The following SNTG1 variants were observed in gnomAD, a reference collection of about 807,000 sequenced individuals.
SNTG1 encodes gamma-1-syntrophin.
Under a neutral mutation model 74.7 loss-of-function variants are expected in SNTG1, and 39 were observed. The observed-to-expected ratio is 0.52, with a 90% confidence interval of 0.40 to 0.68. The LOEUF (loss-of-function observed/expected upper bound fraction) is 0.68, where lower values mean the gene tolerates loss of function less well. Ranked by LOEUF, SNTG1 falls within the 30% of genes least tolerant of loss-of-function variation. The probability of loss-of-function intolerance (pLI) is 0.00; values close to 1 mark genes in which losing one functional copy is unlikely to be tolerated. For missense variants in SNTG1, 685 were observed against 609.5 expected (o/e 1.12, Z -1.30); for synonymous variants, 254 against 217.1 (o/e 1.17, Z -1.49).
intron 2 of SNTG1, among the ~76,000 whole-genome samples, chr8:50,391,027 T>G (rs1349089478): frequency 6.6e-6 from 1 of 152,180 alleles, no homozygotes; most frequent in Admixed American, 6.5e-5. Flanking sequence ...CAGGGACAAT[T>G]TGACTTCCTC....
chr8:50,673,846 G>C (rs528603232), intron 15 of SNTG1, among the ~76,000 whole-genome samples: 2 of 151,970 alleles, frequency 1.3e-5, no homozygotes, highest in Non-Finnish European at 2.9e-5. Flanking sequence ...TTTGAGATAT[G>C]TTCCATCAAT....
intron 1 of SNTG1, among the ~76,000 whole-genome samples, chr8:50,047,261 C>A (rs1417121474): frequency 6.6e-6 from 1 of 151,850 alleles, no homozygotes; most frequent in Non-Finnish European, 1.5e-5. Flanking sequence ...AATGCTTGAG[C>A]CCAGGCAGTC....
intron 8 of SNTG1, among the ~76,000 whole-genome samples, chr8:50,481,899 G>A (rs951919053): frequency 2.0e-5 from 3 of 152,148 alleles, no homozygotes; most frequent in African/African-American, 7.2e-5. Context: ...GATTTCTGCA[G>A]AGTCATGGAA....
chr8:50,175,514 G>T (rs2082965608), intron 2 of SNTG1, among the ~76,000 whole-genome samples: 1 of 152,218 alleles, frequency 6.6e-6, no homozygotes, highest in Admixed American at 6.5e-5. Context: ...TTCTGGGCTA[G>T]CCATCAGTGG....
At chr8:50,274,502 AG>A (rs1314961440) in intron 2 of SNTG1, among the ~76,000 whole-genome samples, 1 of 152,132 alleles carries the variant, frequency 6.6e-6, no homozygotes, top group Non-Finnish European at 1.5e-5. Flanking sequence ...ATAAAAAAAA[AG>A]TTTTTACATT....
At chr8:50,516,752 A>G (rs1247533585) in intron 9 of SNTG1, among the ~76,000 whole-genome samples, 1 of 152,186 alleles carries the variant, frequency 6.6e-6, no homozygotes, top group African/African-American at 2.4e-5. Context: ...AGAAAAAAGA[A>G]TGAAAAGGAA....
intron 1 of SNTG1, among the ~76,000 whole-genome samples, chr8:49,979,638 T>C (rs1812500396): frequency 6.6e-6 from 1 of 152,166 alleles, no homozygotes; most frequent in South Asian, 2.1e-4. Flanking sequence ...CGTCGCGCTC[T>C]AGGGCCATTG....
At chr8:50,118,042 A>G (rs1178958586) in intron 1 of SNTG1, among the ~76,000 whole-genome samples, 1 of 152,188 alleles carries the variant, frequency 6.6e-6, no homozygotes, top group Non-Finnish European at 1.5e-5. Context: ...TTTTACAGAA[A>G]GCACCTACTT....
chr8:50,686,768 AGAAATAGACTAT>A (rs903780245), intron 15 of SNTG1, among the ~76,000 whole-genome samples: 6 of 152,222 alleles, frequency 3.9e-5, no homozygotes, highest in African/African-American at 1.4e-4. Context: ...TATAAGTAAT[AGAAATAGACTAT>A]GAAATAGACT....
chr8:50,660,740 A>C (rs929850911), intron 15 of SNTG1, among the ~76,000 whole-genome samples: 1 of 152,174 alleles, frequency 6.6e-6, no homozygotes, highest in Non-Finnish European at 1.5e-5. Flanking sequence ...AACATAATGC[A>C]GTTTACTATA....
intron 1 of SNTG1, among the ~76,000 whole-genome samples, chr8:50,078,950 A>G (rs1222200048): frequency 2.0e-5 from 3 of 152,182 alleles, no homozygotes; most frequent in East Asian, 3.9e-4. Flanking sequence ...TCTTTATCCC[A>G]TCTATCATTG....
At chr8:50,189,229 T>G (rs887747291) in intron 2 of SNTG1, among the ~76,000 whole-genome samples, 7 of 152,196 alleles carry the variant, frequency 4.6e-5, no homozygotes, top group Non-Finnish European at 8.8e-5. Flanking sequence ...AGGATGAAAT[T>G]AATGGGATAG....
In SNTG1 at chr8:50,653,599, A is replaced by G. The variant is rs766300278; in HGVS notation, c.850-3310A>G. ...TGCTTTTGCATTGTTTATGAAACAAACTGTTTATTTTTTTCTATATGTTTA... is the reference window on the plus strand; with the variant it reads ...TGCTTTTGCATTGTTTATGAAACAAGCTGTTTATTTTTTTCTATATGTTTA... On this transcript the variant is annotated intron_variant, in intron 13 of 18. Coordinates refer to ENST00000642720, the MANE Select transcript of SNTG1 (RefSeq NM_018967.5). Among the ~76,000 whole-genome samples, 8 of 151,974 alleles carry G rather than the reference A, an allele frequency of 5.3e-5. No individual in the cohort carries two copies. In the South Asian group the frequency reaches 1.7e-3, roughly 32 times the overall value.
chr8:50,516,071 C>T, intron 9 of SNTG1, among the ~76,000 whole-genome samples: 1 of 152,082 alleles, frequency 6.6e-6, no homozygotes, highest in Admixed American at 6.5e-5. Flanking sequence ...GGCAGGTACA[C>T]CTCTGGGAAG....
intron 1 of SNTG1, among the ~76,000 whole-genome samples, chr8:50,065,049 T>C (rs968172895): frequency 6.6e-6 from 1 of 152,186 alleles, no homozygotes; most frequent in African/African-American, 2.4e-5. Flanking sequence ...ATTTAAGAAA[T>C]ATAAAGCCAT....
chr8:50,339,275 A>G (rs547222631), intron 2 of SNTG1, among the ~76,000 whole-genome samples: 1 of 152,094 alleles, frequency 6.6e-6, no homozygotes, highest in Non-Finnish European at 1.5e-5. Context: ...TTTTCAGTTC[A>G]TCCTCCTTGC....
intron 8 of SNTG1, among the ~76,000 whole-genome samples, chr8:50,467,529 T>C (rs1474191991): frequency 6.6e-6 from 1 of 151,900 alleles, no homozygotes; most frequent in Admixed American, 6.6e-5. Flanking sequence ...TTTCTCTCTT[T>C]ATTTCTTGGT....
At chr8:50,298,491 T>C (rs764007337) in intron 2 of SNTG1, among the ~76,000 whole-genome samples, 1 of 152,150 alleles carries the variant, frequency 6.6e-6, no homozygotes, top group Non-Finnish European at 1.5e-5. Context: ...CAGCTAGTTA[T>C]GTTGGAAAAA....
intron 12 of SNTG1, among the ~76,000 whole-genome samples, chr8:50,564,177 A>T (rs1159674346): frequency 1.3e-5 from 2 of 151,720 alleles, no homozygotes; most frequent in Non-Finnish European, 2.9e-5. Flanking sequence ...CTGACATGTC[A>T]TCCAAGACTT....
Sources: gnomAD v4.1 joint callset for allele counts (sites outside exome capture counted in the v4.1 genomes callset) on GRCh38, gnomAD v4.1.1 for gene constraint, MANE v1.5 for transcripts, NCBI Gene and HGNC (gene_info 2026-07-23, HGNC 2026-07-21) for gene names.